AFF3: variants seen among roughly 807,000 people sequenced by gnomAD.
AFF3 encodes the protein ALF transcription elongation factor 3, also known as AF4/FMR2 family member 3.
Under a neutral mutation model 129.7 loss-of-function variants are expected in AFF3, and 32 were observed. That is an observed-to-expected ratio of 0.25 (90% CI 0.19 to 0.33). AFF3 has a LOEUF of 0.33. AFF3 is among the 10% of genes least tolerant of loss of function. The pLI, the probability that AFF3 is intolerant of heterozygous loss-of-function variation, is 1.00. For missense variants in AFF3, 1,373 were observed against 1,592.0 expected (o/e 0.86, Z 2.34); for synonymous variants, 644 against 635.4 (o/e 1.01, Z -0.20).
At chr2:99,874,175 T>A (rs1279467843) in intron 7 of AFF3, among the ~76,000 whole-genome samples, 1 of 151,974 alleles carries the variant, frequency 6.6e-6, no homozygotes, top group Non-Finnish European at 1.5e-5. Flanking sequence ...AGACTCCGTC[T>A]CAAAAAAAAC....
intron 4 of AFF3, among the ~76,000 whole-genome samples, chr2:100,020,481 C>G (rs183758651): frequency 6.6e-6 from 1 of 152,208 alleles, no homozygotes; most frequent in East Asian, 1.9e-4. Context: ...ATCCAACTCC[C>G]TATGTGGCCT....
chr2:99,555,606 T>C (rs1159471596), intron 22 of AFF3, among the ~76,000 whole-genome samples: 1 of 152,216 alleles, frequency 6.6e-6, no homozygotes. Context: ...CAGTTAGATT[T>C]CCCCTCTGAG....
At chr2:99,614,923 C>T (rs1412806081) in intron 13 of AFF3, among the ~76,000 whole-genome samples, 1 of 152,192 alleles carries the variant, frequency 6.6e-6, no homozygotes, top group Non-Finnish European at 1.5e-5. Flanking sequence ...AAGATAAAGG[C>T]ATTTCACAAA....
At chr2:99,740,280 C>A (rs868233897) in intron 10 of AFF3, among the ~76,000 whole-genome samples, 3,314 of 150,638 alleles carry the variant, frequency 0.022, 107 homozygotes, top group African/African-American at 0.075. Context: ...CATACGTGTG[C>A]ATGTGTCTTT....
intron 11 of AFF3, among the ~76,000 whole-genome samples, chr2:99,699,456 TA>T (rs1266861744): frequency 1.3e-5 from 2 of 152,234 alleles, no homozygotes; most frequent in African/African-American, 2.4e-5. Context: ...CCTGGCATAC[TA>T]AAAGTGGGGA....
At chr2:99,696,105 T>C (rs1189370091) in intron 11 of AFF3, among the ~76,000 whole-genome samples, 2 of 151,708 alleles carry the variant, frequency 1.3e-5, no homozygotes, top group African/African-American at 4.8e-5. Flanking sequence ...CAGTTAGCTG[T>C]CCAAACCCAT....
At chr2:99,741,149 A>C (rs187563991) in intron 10 of AFF3, among the ~76,000 whole-genome samples, 20 of 152,290 alleles carry the variant, frequency 1.3e-4, no homozygotes, top group Admixed American at 2.6e-4. Flanking sequence ...TTCCCTTTGA[A>C]AACTGGCACA....
chr2:99,885,017 C>T (rs1447043945), intron 7 of AFF3, among the ~76,000 whole-genome samples: 2 of 152,148 alleles, frequency 1.3e-5, no homozygotes, highest in East Asian at 1.9e-4. Context: ...TCTACTGCCA[C>T]GTGAATCTTA....
chr2:99,683,702 A>C (rs1337232627), intron 11 of AFF3, among the ~76,000 whole-genome samples: 2 of 152,126 alleles, frequency 1.3e-5, no homozygotes, highest in Non-Finnish European at 2.9e-5. Context: ...CAGCCTCCCA[A>C]AGTGCTGGGA....
At chr2:100,027,224 G>A (rs1035466635) in intron 4 of AFF3, among the ~76,000 whole-genome samples, 5 of 152,098 alleles carry the variant, frequency 3.3e-5, no homozygotes, top group Admixed American at 1.3e-4. Context: ...TCAGGCAGGC[G>A]AAAAACAAAA....
At chr2:99,567,275 T>C (rs1320885949) in intron 19 of AFF3, among the ~76,000 whole-genome samples, 1 of 152,070 alleles carries the variant, frequency 6.6e-6, no homozygotes, top group African/African-American at 2.4e-5. Context: ...CCACCGTGCC[T>C]GGCCTATAAT....
chr2:99,688,077 C>T (rs1482676906), intron 11 of AFF3, among the ~76,000 whole-genome samples: 2 of 152,266 alleles, frequency 1.3e-5, no homozygotes, highest in South Asian at 2.1e-4. Flanking sequence ...CTCCTGACCT[C>T]GTGATCCGCC....
chr2:99,664,882 G>A (rs953955831), intron 12 of AFF3, among the ~76,000 whole-genome samples: 1 of 152,200 alleles, frequency 6.6e-6, no homozygotes, highest in Admixed American at 6.5e-5. Context: ...CTAAAATTAC[G>A]ATGAGATTCA....
At chr2:99,710,911 G>A (rs1281961203) in intron 11 of AFF3, among the ~76,000 whole-genome samples, 7 of 152,184 alleles carry the variant, frequency 4.6e-5, no homozygotes, top group African/African-American at 1.7e-4. Flanking sequence ...GTGGGACGAG[G>A]CTGGGAAGCT....
chr2:99,635,989 C>T (rs890628008), intron 13 of AFF3, among the ~76,000 whole-genome samples: 3 of 152,188 alleles, frequency 2.0e-5, no homozygotes, highest in Non-Finnish European at 4.4e-5. Context: ...TGGGAACCTT[C>T]CAACAACAGC....
At chr2:100,013,225 A>G (rs1682700851) in intron 4 of AFF3, among the ~76,000 whole-genome samples, 1 of 152,196 alleles carries the variant, frequency 6.6e-6, no homozygotes, top group African/African-American at 2.4e-5. Flanking sequence ...GTAGAAATAG[A>G]CGTCTAAACA....
At chr2:100,028,724 T>C (rs556898400) in intron 4 of AFF3, among the ~76,000 whole-genome samples, 3 of 152,300 alleles carry the variant, frequency 2.0e-5, no homozygotes, top group African/African-American at 7.2e-5. Context: ...TCCTTATACC[T>C]ATTAGGATGG....
chr2:99,954,055 C>A (rs1676405203), intron 7 of AFF3, among the ~76,000 whole-genome samples: 1 of 152,150 alleles, frequency 6.6e-6, no homozygotes, highest in South Asian at 2.1e-4. Context: ...TATACTTATT[C>A]CAGGGACTTT....
At chr2:99,783,510 G>C (rs1468958440) in intron 8 of AFF3, among the ~76,000 whole-genome samples, 1 of 152,238 alleles carries the variant, frequency 6.6e-6, no homozygotes, top group Non-Finnish European at 1.5e-5. Flanking sequence ...TGCCCTGTGA[G>C]AGCAGAGGAA....
Sources: gnomAD v4.1 joint callset for allele counts (sites outside exome capture counted in the v4.1 genomes callset) on GRCh38, gnomAD v4.1.1 for gene constraint, MANE v1.5 for transcripts, NCBI Gene and HGNC (gene_info 2026-07-23, HGNC 2026-07-21) for gene names.